The following LIPE variants were observed in gnomAD, a reference collection of about 807,000 sequenced individuals.
LIPE encodes the protein hormone-sensitive lipase.
In LIPE, 66 loss-of-function variants were observed where a neutral mutation model predicts 88.5. The ratio of observed to expected loss-of-function variants is 0.75; its 90% CI spans 0.61 to 0.91. The LOEUF is 0.91. Among genes scored for constraint, LIPE ranks in the 40% least tolerant of loss-of-function variants. LIPE has a pLI of 0.00. For synonymous variants in LIPE, 570 were observed against 617.5 expected, an observed-to-expected ratio of 0.92 and a Z score of 1.14; for missense variants, 1,346 against 1,434.7, an observed-to-expected ratio of 0.94 and a Z score of 1.00.
intron 1 of LIPE, among the ~76,000 whole-genome samples, chr19:42,413,594 A>G (rs1020458759): frequency 2.0e-5 from 3 of 152,238 alleles, no homozygotes; most frequent in Non-Finnish European, 4.4e-5. Context: ...TGAACCTGGG[A>G]CGCGGAGCTT....
Position 42,407,092 on chromosome 19 carries a change from G to GTGAGGC in LIPE, c.2137+76_2137+81dup. On this transcript the variant is annotated intron_variant, in intron 6 of 9. Coordinates refer to ENST00000244289, the MANE Select transcript of LIPE (RefSeq NM_005357.4). This position sits in a 1 kb window ranked among gnomAD's most constrained non-coding sequence, Gnocchi z 5.8. Reference sequence around the variant, plus strand: ...GTGGGGGGAGAGAAAGGTAGAGGGTGTGAGGCTGAGGCTGGAGGAGCTTAA... The same window carrying GTGAGGC: ...GTGGGGGGAGAGAAAGGTAGAGGGTGTGAGGCTGAGGCTGAGGCTGGAGGAGCTTAA... 1.6e-6 allele frequency: 2 copies of GTGAGGC among 1,237,990 alleles called. No individual in the cohort carries two copies. Among genetic ancestry groups the GTGAGGC allele is most frequent in the Non-Finnish European group, 2.2e-6 (2 of 915,904 alleles). 76.7% of individuals were successfully genotyped at this position (1,237,990 alleles called of 1,614,324 possible).
At position 42,410,981 on chromosome 19, in the gene LIPE, C is replaced by A; in HGVS notation, c.884-139G>T. The A allele has an allele frequency of 1.2e-6, 1 of 854,154 alleles. No homozygotes were observed. Among genetic ancestry groups the A allele is most frequent in the Non-Finnish European group, 1.8e-6 (1 of 567,424 alleles). The allele number at this position is 854,154 out of a possible 1,614,324, so 52.9% of individuals were successfully genotyped here. ...TTCTTTCAGTTCCAGGGGCCCAGGA[C>A]CCCAGGTTCCTCCTCCCTTAGACAT... On this transcript the variant is annotated intron_variant, in intron 1 of 9. Coordinates refer to ENST00000244289, the MANE Select transcript of LIPE (RefSeq NM_005357.4). This position sits in a 1 kb window ranked among gnomAD's most constrained non-coding sequence, Gnocchi z 6.1.
intron 1 of LIPE, among the ~76,000 whole-genome samples, chr19:42,417,141 C>T (rs1219281143): frequency 6.6e-6 from 1 of 152,178 alleles, no homozygotes; most frequent in Non-Finnish European, 1.5e-5. Flanking sequence ...AGGATGGTCT[C>T]GATCTCCTGA....
rs1158697222 is a variant in LIPE, at chr19:42,405,972, TCTCTCACACA to T, written c.2365+179_2365+188del. On this transcript the variant is annotated intron_variant, in intron 7 of 9. Transcript: ENST00000244289. Reference sequence around the variant, plus strand: ...CCTTGTGTCTGTCTGTCTCTCTCTCTCTCTCACACACACACACACACACACACACACACAC... The same window carrying T: ...CCTTGTGTCTGTCTGTCTCTCTCTCTCACACACACACACACACACACACAC... The T allele has an allele frequency of 1.9e-3, 1,050 of 562,526 alleles. 1 individual carries two copies. Among genetic ancestry groups the T allele is most frequent in the Admixed American group, 6.0e-3 (185 of 30,820 alleles). 34.8% of individuals were successfully genotyped at this position (562,526 alleles called of 1,614,324 possible).
rs1459899356 is a variant in LIPE at position 42,414,596 on chromosome 19, G to A, written c.884-3754C>T. Among the ~76,000 whole-genome samples the A allele has an allele frequency of 2.6e-5, 4 of 152,218 alleles. No homozygotes were observed. Among genetic ancestry groups the A allele is most frequent in the South Asian group, 2.1e-4 (1 of 4,826 alleles). Reference sequence around the variant, plus strand: ...TACTACAGGAATACCTTGCTTCACTGTGCCTCGCACATACTGCATTTTTTA... The same window carrying A: ...TACTACAGGAATACCTTGCTTCACTATGCCTCGCACATACTGCATTTTTTA... On this transcript the variant is annotated intron_variant, in intron 1 of 9. Transcript: ENST00000244289. This position sits in a 1 kb window ranked among gnomAD's most constrained non-coding sequence, Gnocchi z 4.6.
chr19:42,409,000 G>T lies in LIPE; in HGVS notation c.1420-678C>A, dbSNP rs35707383. On this transcript the variant is annotated intron_variant, in intron 2 of 9. Coordinates refer to ENST00000244289, the MANE Select transcript of LIPE (RefSeq NM_005357.4). The surrounding 1 kb of genome is among the most constrained non-coding windows in gnomAD (Gnocchi z 4.3). ...GGAATTTGGATTTCATTCCCAGTGC[G>T]GGGTGGTGCCACTGGTAGGCTGTGA... Among the ~76,000 whole-genome samples, 2,512 of 152,080 alleles carry T rather than the reference G, an allele frequency of 0.017. 61 individuals are homozygous for T. The highest frequency in any genetic ancestry group is 0.056 in the African/African-American group (2,311 of 41,424).
chr19:42,407,258 G>A lies in LIPE; in HGVS notation c.2053C>T (p.Leu685=). The A allele has an allele frequency of 6.2e-7, 1 of 1,601,302 alleles. No individual in the cohort carries two copies. Among genetic ancestry groups the A allele is most frequent in the Non-Finnish European group, 8.5e-7 (1 of 1,174,276 alleles). The change falls in exon 6 of 10, where the codon CTG becomes TTG. Residue 685 remains leucine (L), a synonymous_variant. Coordinates refer to ENST00000244289, the MANE Select transcript of LIPE (RefSeq NM_005357.4). This position sits in a 1 kb window ranked among gnomAD's most constrained non-coding sequence, Gnocchi z 5.8. ...CGGGGGAAGGGGGCCTCAGGGGCCAGGGAGTAGTCGATGGAGATGATGGGG... is the reference window on the plus strand; with the variant it reads ...CGGGGGAAGGGGGCCTCAGGGGCCAAGGAGTAGTCGATGGAGATGATGGGG... ...GAPIISIDYS[L]APEAPFPRAL...
intron 1 of LIPE, chr19:42,424,318 A>C: frequency 4.4e-6 from 2 of 459,580 alleles, no homozygotes; most frequent in Non-Finnish European, 4.3e-6. Context: ...GGCGGGAAAC[A>C]GAGGAGGCTC....
At chr19:42,415,667 G>A (rs2040471652) in intron 1 of LIPE, among the ~76,000 whole-genome samples, 2 of 152,110 alleles carry the variant, frequency 1.3e-5, no homozygotes, top group South Asian at 2.1e-4. Context: ...AAAATCAGCC[G>A]GGCGTGGTGG....
chr19:42,418,867 T>C (rs921934018), intron 1 of LIPE, among the ~76,000 whole-genome samples: 3 of 152,174 alleles, frequency 2.0e-5, no homozygotes, highest in Non-Finnish European at 2.9e-5. Flanking sequence ...CCTCACTAGA[T>C]TGTAAACTCC....
Position 42,412,339 on chromosome 19 carries a change from C to T in LIPE, c.884-1497G>A, listed in dbSNP as rs1029534916. The T allele has an allele frequency of 1.0e-5, 10 of 985,732 alleles. No homozygotes were observed. In the Admixed American group the frequency reaches 1.8e-4, roughly 18 times the overall value. The allele number at this position is 985,732 out of a possible 1,614,324, so 61.1% of individuals were successfully genotyped here. A position where few individuals can be genotyped will look rare whatever the true frequency, so the allele number is the denominator to read the frequency against. ...CCTGGGGCCTGGCAGCGGCCATTCC[C>T]GTCTCTCAGCTGGCTGGACACTCAC... On this transcript the variant is annotated intron_variant, in intron 1 of 9. Transcript: ENST00000244289.
intron 1 of LIPE, chr19:42,423,624 C>T (rs183647343): frequency 6.7e-6 from 8 of 1,186,110 alleles, no homozygotes; most frequent in South Asian, 6.2e-5. Flanking sequence ...TACTGTCGGG[C>T]CCCCCTATTA....
chr19:42,402,679 G>C lies in LIPE; in HGVS notation c.2895C>G (p.Val965=). The change falls in exon 9 of 10, where the codon GTC becomes GTG. Residue 965 remains valine, a synonymous_variant. Coordinates refer to ENST00000244289, the MANE Select transcript of LIPE (RefSeq NM_005357.4). ...GCAGCGGCGACATGAAGGGGTTCTT[G>C]ACTATGGGTGAGGAGTAGAGGGGCA... The part of the protein sequence containing the change: ...TQMPLYSSPI[V]KNPFMSPLLA... 1 of 1,512,692 alleles carries C rather than the reference G, an allele frequency of 6.6e-7. No individual in the cohort carries two copies. Among genetic ancestry groups the C allele is most frequent in the Non-Finnish European group, 8.9e-7 (1 of 1,128,366 alleles). The allele number at this position is 1,512,692 out of a possible 1,614,324, so 93.7% of individuals were successfully genotyped here. A position where few individuals can be genotyped will look rare whatever the true frequency, so the allele number is the denominator to read the frequency against.
At chr19:42,420,144 T>G (rs947647120) in intron 1 of LIPE, among the ~76,000 whole-genome samples, 1 of 151,984 alleles carries the variant, frequency 6.6e-6, no homozygotes, top group African/African-American at 2.4e-5. Context: ...ATGACAAAAT[T>G]GAGGCACAGA....
At chr19:42,405,985 C>T (rs1273663698) in intron 7 of LIPE, 176 bp downstream of exon 7, 3 of 565,364 alleles carry the variant, frequency 5.3e-6, no homozygotes. Flanking sequence ...CTCACACACA[C>T]ACACACACAC....
In LIPE at chr19:42,401,826, C is replaced by CG. The variant is rs1411536071; in HGVS notation, c.3216dup (p.Gly1073ArgfsTer18). On this transcript the variant is annotated frameshift_variant, in exon 10 of 10. Coordinates refer to ENST00000244289, the MANE Select transcript of LIPE (RefSeq NM_005357.4). LOFTEE classifies it high-confidence loss of function. ...ACAACAGGCTTTTAGTGTCGCCCCC[C>CG]GCAGCCCCCGTCTACCCCCGCAGCC... 2 of 1,486,132 alleles carry CG rather than the reference C, an allele frequency of 1.3e-6. No homozygotes were observed. Among genetic ancestry groups the CG allele is most frequent in the Non-Finnish European group, 1.8e-6 (2 of 1,119,820 alleles). 92.1% of individuals were successfully genotyped at this position (1,486,132 alleles called of 1,614,324 possible). A position where few individuals can be genotyped will look rare whatever the true frequency, so the allele number is the denominator to read the frequency against.
At chr19:42,426,216 A>G (rs770474990) in intron 1 of LIPE, 51 bp downstream of exon 1, 2 of 1,533,416 alleles carry the variant, frequency 1.3e-6, no homozygotes, top group Admixed American at 4.0e-5. Context: ...TTTTTTAAGT[A>G]AATGAATGAC....
At chr19:42,422,192 T>C (rs1031130703) in intron 1 of LIPE, among the ~76,000 whole-genome samples, 1 of 152,234 alleles carries the variant, frequency 6.6e-6, no homozygotes, top group Non-Finnish European at 1.5e-5. Context: ...CCTGAGGGTT[T>C]GCTGCGTGCC....
intron 9 of LIPE, 131 bp downstream of exon 9, chr19:42,402,476 G>T: frequency 1.3e-6 from 1 of 784,432 alleles, no homozygotes; most frequent in Non-Finnish European, 1.9e-6. Context: ...GTTCTCCCCT[G>T]GGGACACGCC....
Sources: allele counts gnomAD v4.1 joint callset (sites outside exome capture counted in the v4.1 genomes callset), GRCh38; gene constraint gnomAD v4.1.1; non-coding constraint Gnocchi (gnomAD v3.1); transcripts MANE v1.5; gene names NCBI Gene and HGNC (gene_info 2026-07-23, HGNC 2026-07-21).